RERE: variants seen among roughly 807,000 people sequenced by gnomAD.
RERE encodes the protein arginine-glutamic acid dipeptide repeats protein.
RERE carries 40 observed loss-of-function variants against 146.1 expected under a neutral mutation model. That is an observed-to-expected ratio of 0.27 (90% confidence interval 0.21 to 0.36). The LOEUF is 0.36. RERE is among the 10% of genes least tolerant of loss of function. The pLI is 1.00. For missense variants in RERE, 1,933 were observed against 2,138.7 expected (o/e 0.90, Z 1.90); for synonymous variants, 1,003 against 866.0 (o/e 1.16, Z -2.78).
chr1:8,661,540 C>G (rs549534322), intron 1 of RERE, among the ~76,000 whole-genome samples: 1 of 152,092 alleles, frequency 6.6e-6, no homozygotes, highest in South Asian at 2.1e-4. Flanking sequence ...ACGATCACCC[C>G]GGGAAGACAA....
intron 11 of RERE, among the ~76,000 whole-genome samples, chr1:8,446,351 T>C (rs192028643): frequency 6.6e-6 from 1 of 152,326 alleles, no homozygotes; most frequent in East Asian, 1.9e-4. Flanking sequence ...GGGGTTACTC[T>C]TCTCATCTGA....
At chr1:8,703,984 T>C (rs1282222725) in intron 1 of RERE, among the ~76,000 whole-genome samples, 1 of 152,230 alleles carries the variant, frequency 6.6e-6, no homozygotes, top group Non-Finnish European at 1.5e-5. Flanking sequence ...ATCCATCTGT[T>C]AGACAAGACA....
At chr1:8,509,418 A>ATCCGTCCG (rs1235843824) in intron 7 of RERE, among the ~76,000 whole-genome samples, 12 of 81,366 alleles carry the variant, frequency 1.5e-4, no homozygotes, top group African/African-American at 3.1e-4. Flanking sequence ...CCATCCATCC[A>ATCCGTCCG]TCCATCCATC....
chr1:8,420,803 G>A (rs1643900093), intron 12 of RERE, among the ~76,000 whole-genome samples: 1 of 152,208 alleles, frequency 6.6e-6, no homozygotes, highest in Admixed American at 6.5e-5. Context: ...ATGGGGAAAG[G>A]TCTCAGCAAA....
At position 8,690,294 on chromosome 1, in the gene RERE, T is replaced by C. The variant is rs550278385; in HGVS notation, c.-144-33853A>G. On this transcript the variant is annotated intron_variant, in intron 1 of 22. Transcript: ENST00000400908. ...TCATCTCTGGTCTCTCTTCCTCTTC[T>C]TATAAGGACACTAATCACATCATGA... Among the ~76,000 whole-genome samples the C allele has an allele frequency of 6.6e-5, 10 of 152,304 alleles. No individual in the cohort carries two copies. In the South Asian group the frequency reaches 1.2e-3, roughly 19 times the overall value.
At chr1:8,400,652 T>C (rs1431292455) in intron 12 of RERE, among the ~76,000 whole-genome samples, 1 of 151,862 alleles carries the variant, frequency 6.6e-6, no homozygotes, top group Non-Finnish European at 1.5e-5. Context: ...GTGATGACAG[T>C]AGGCAACCTT....
At chr1:8,561,753 G>C (rs886236773) in intron 4 of RERE, among the ~76,000 whole-genome samples, 5 of 152,348 alleles carry the variant, frequency 3.3e-5, no homozygotes, top group African/African-American at 1.2e-4. Flanking sequence ...GGGAAGAAGA[G>C]AGCATCCCCT....
In RERE at chr1:8,772,230, A is replaced by AT. The variant is rs200104207; in HGVS notation, c.-145+44929dup. Reference sequence around the variant, plus strand: ...TATACTCAATTACAAACATATGCTTATTTTTTTTAATTACGAGATATAACC... The same window carrying AT: ...TATACTCAATTACAAACATATGCTTATTTTTTTTTAATTACGAGATATAACC... On this transcript the variant is annotated intron_variant, in intron 1 of 22. Coordinates refer to ENST00000400908, the MANE Select transcript of RERE (RefSeq NM_001042681.2). 1.7e-3 allele frequency among the ~76,000 whole-genome samples: 255 copies of AT among 152,000 alleles called. 1 individual carries two copies. Among genetic ancestry groups the AT allele is most frequent in the East Asian group, 0.015 (80 of 5,180 alleles).
chr1:8,466,123 G>GGTCTCACACA, intron 10 of RERE, 100 bp from the exon 11 acceptor site: 1 of 963,306 alleles, frequency 1.0e-6, no homozygotes, highest in Non-Finnish European at 1.5e-6. Context: ...CCACAGAAGA[G>GGTCTCACACA]TCAGGAAAGG....
At chr1:8,623,879 A>G (rs1570529045) in intron 3 of RERE, among the ~76,000 whole-genome samples, 1 of 151,908 alleles carries the variant, frequency 6.6e-6, no homozygotes, top group Non-Finnish European at 1.5e-5. Context: ...AACATCATAT[A>G]CTCCACACCT....
Position 8,771,036 on chromosome 1 carries a change from A to T in RERE, c.-145+46124T>A, listed in dbSNP as rs182564145. ...AAAAGTGGGTCTCAGTACAGTATGT[A>T]GAATAAAATCTTATTTCTATTAATT... On this transcript the variant is annotated intron_variant, in intron 1 of 22. Coordinates refer to ENST00000400908, the MANE Select transcript of RERE (RefSeq NM_001042681.2). Among the ~76,000 whole-genome samples, 9 of 152,352 alleles carry T rather than the reference A, an allele frequency of 5.9e-5. No individual in the cohort carries two copies. In the East Asian group the frequency reaches 1.5e-3, roughly 26 times the overall value.
Position 8,437,719 on chromosome 1 carries a change from G to A in RERE, c.1204-14912C>T, listed in dbSNP as rs1002417041. 3.3e-5 allele frequency among the ~76,000 whole-genome samples: 5 copies of A among 152,180 alleles called. No homozygotes were observed. In the South Asian group the frequency reaches 1.0e-3, roughly 31 times the overall value. ...CAGATTAGATCTGTATATTTATAAG[G>A]AATACAAACATACTAATAGCTCATT... On this transcript the variant is annotated intron_variant, in intron 11 of 22. Coordinates refer to ENST00000400908, the MANE Select transcript of RERE (RefSeq NM_001042681.2).
rs538458626 is a variant in RERE at position 8,444,386 on chromosome 1, C to T, written c.1203+21539G>A. The stretch of plus-strand genomic sequence containing the variant: ...CGCATTGTATCTTGGAAGTAAATAA[C>T]TTGTTTTTGATTTTACAGGCTCATA... On this transcript the variant is annotated intron_variant, in intron 11 of 22. Coordinates refer to ENST00000400908, the MANE Select transcript of RERE (RefSeq NM_001042681.2). Among the ~76,000 whole-genome samples the T allele has an allele frequency of 1.6e-4, 24 of 152,268 alleles. 1 individual carries two copies. The East Asian group carries it at 4.3e-3, about 27-fold the overall frequency.
At chr1:8,375,336 A>G (rs906600228) in intron 12 of RERE, among the ~76,000 whole-genome samples, 1 of 152,234 alleles carries the variant, frequency 6.6e-6, no homozygotes, top group African/African-American at 2.4e-5. Flanking sequence ...AAGAAATGAC[A>G]TTTTATCTCC....
chr1:8,766,292 G>A (rs1049621714), intron 1 of RERE, among the ~76,000 whole-genome samples: 2 of 151,840 alleles, frequency 1.3e-5, no homozygotes, highest in African/African-American at 4.8e-5. Context: ...TATAATCCCC[G>A]CACTTGGGAG....
At chr1:8,415,314 T>C (rs1043267884) in intron 12 of RERE, among the ~76,000 whole-genome samples, 1 of 152,206 alleles carries the variant, frequency 6.6e-6, no homozygotes, top group Non-Finnish European at 1.5e-5. Flanking sequence ...GGCTTCAAAG[T>C]CATAAATGTC....
At position 8,364,134 on chromosome 1, in the gene RERE, A is replaced by G; in HGVS notation, c.1662T>C (p.Phe554=). The G allele has an allele frequency of 6.2e-7, 1 of 1,614,124 alleles. No individual in the cohort carries two copies. The highest frequency in any genetic ancestry group is 8.5e-7 in the Non-Finnish European group (1 of 1,180,016). ...CCTCTTCCTTGACGGGTTTGAACAT[A>G]AACGGTGGCGGGTCCACGGGCTTCT... The part of the protein sequence containing the change: ...PIEKPVDPPP[F]MFKPVKEEDD... Residue 554 remains phenylalanine (F), a synonymous_variant, in exon 15 of 23, where the codon TTT becomes TTC. Coordinates refer to ENST00000400908, the MANE Select transcript of RERE (RefSeq NM_001042681.2). This position sits in a 1 kb window ranked among gnomAD's most constrained non-coding sequence, Gnocchi z 5.1.
intron 9 of RERE, among the ~76,000 whole-genome samples, chr1:8,496,256 T>C (rs1472282794): frequency 6.6e-6 from 1 of 151,686 alleles, no homozygotes; most frequent in Admixed American, 6.6e-5. Flanking sequence ...CACAACACCG[T>C]TGACTAGAAA....
At chr1:8,389,715 G>C (rs1478218267) in intron 12 of RERE, among the ~76,000 whole-genome samples, 2 of 152,198 alleles carry the variant, frequency 1.3e-5, no homozygotes, top group Non-Finnish European at 2.9e-5. Context: ...CGCATGGAGG[G>C]AACCTCACCA....
Sources: gnomAD v4.1 joint callset for allele counts (sites outside exome capture counted in the v4.1 genomes callset) on GRCh38, gnomAD v4.1.1 for gene constraint, Gnocchi (gnomAD v3.1) non-coding constraint, MANE v1.5 for transcripts, NCBI Gene and HGNC (gene_info 2026-07-23, HGNC 2026-07-21) for gene names.